IL21R: variants seen among roughly 807,000 people sequenced by gnomAD.
IL21R encodes the protein interleukin 21 receptor, also known as interleukin-21 receptor.
In IL21R, 14 loss-of-function variants were observed where a neutral mutation model predicts 41.3. That is an observed-to-expected ratio of 0.34 (90% CI 0.22 to 0.53). IL21R has a LOEUF of 0.53. IL21R is among the 20% of genes least tolerant of loss of function. IL21R has a pLI of 0.94. For synonymous variants in IL21R, 286 were observed against 287.6 expected (o/e 0.99, Z 0.05); for missense variants, 588 against 681.6 (o/e 0.86, Z 1.53).
At chr16:27,447,569 T>C (rs1338651696) in intron 8 of IL21R, 1 of 152,158 alleles carries the variant, frequency 6.6e-6, no homozygotes, top group Non-Finnish European at 1.5e-5. Context: ...CCTTCAAGTT[T>C]AAGGGCCACC....
chr16:27,423,869 G>A (rs1003687998), intron 1 of IL21R, among the ~76,000 whole-genome samples: 20 of 152,302 alleles, frequency 1.3e-4, no homozygotes, highest in Admixed American at 3.3e-4. Flanking sequence ...CTGGGTTTTA[G>A]GTAGGGCATG....
At position 27,450,610 on chromosome 16, in the gene IL21R, GTC is replaced by G. The variant is rs2087577993; in HGVS notation, c.*1330_*1331del. 4.7e-6 allele frequency: 1 copy of G among 213,770 alleles called. No individual in the cohort carries two copies. The highest frequency in any genetic ancestry group is 2.3e-5 in the African/African-American group (1 of 43,352). 13.2% of individuals were successfully genotyped at this position (213,770 alleles called of 1,614,324 possible). ...TTTTTTTTTTTTCTTTTGAGACAGA[GTC>G]TCACTCTCGTCGCCCAGGCTGGAAT... On this transcript the variant is annotated 3_prime_UTR_variant, in exon 9 of 9. Coordinates refer to ENST00000337929, the MANE Select transcript of IL21R (RefSeq NM_181078.3).
intron 1 of IL21R, among the ~76,000 whole-genome samples, chr16:27,409,583 T>A (rs1030763001): frequency 9.5e-5 from 14 of 147,058 alleles, no homozygotes; most frequent in Non-Finnish European, 1.6e-4. Flanking sequence ...TTTTTCCATA[T>A]GAATATTCAA....
intron 2 of IL21R, among the ~76,000 whole-genome samples, chr16:27,434,040 G>C (rs1171069746): frequency 6.6e-6 from 1 of 152,196 alleles, no homozygotes; most frequent in Non-Finnish European, 1.5e-5. Context: ...CACAGACCTG[G>C]TGGCCGGGCG....
chr16:27,439,235 G>A (rs2087329375), intron 4 of IL21R, among the ~76,000 whole-genome samples: 1 of 151,726 alleles, frequency 6.6e-6, no homozygotes, highest in South Asian at 2.1e-4. Flanking sequence ...CGCACACACA[G>A]ACTCATAGAT....
intron 1 of IL21R, among the ~76,000 whole-genome samples, chr16:27,420,481 T>C (rs985902984): frequency 2.0e-5 from 3 of 152,160 alleles, no homozygotes; most frequent in African/African-American, 7.2e-5. Context: ...ACACTTGTGA[T>C]TGATTATTAT....
intron 1 of IL21R, among the ~76,000 whole-genome samples, chr16:27,418,004 CTATTTTATTTATTT>C (rs1313859714): frequency 2.2e-5 from 3 of 134,656 alleles, no homozygotes; most frequent in African/African-American, 5.5e-5. Flanking sequence ...AACATTTTTC[CTATTTTATTTATTT>C]TATTTTATTT....
intron 1 of IL21R, among the ~76,000 whole-genome samples, chr16:27,421,651 T>C (rs200804107): frequency 6.6e-6 from 1 of 152,168 alleles, no homozygotes; most frequent in African/African-American, 2.4e-5. Flanking sequence ...CATCTTCAGA[T>C]TATTTATTGC....
chr16:27,428,346 G>T (rs1368634686), intron 1 of IL21R, among the ~76,000 whole-genome samples: 2 of 152,240 alleles, frequency 1.3e-5, no homozygotes, highest in Non-Finnish European at 2.9e-5. Flanking sequence ...CTCTGTGAGG[G>T]AGGTCAGAGG....
chr16:27,436,933 G>C (rs549255344), intron 3 of IL21R, among the ~76,000 whole-genome samples: 16 of 152,222 alleles, frequency 1.1e-4, no homozygotes, highest in Non-Finnish European at 1.9e-4. Flanking sequence ...AGTTAGCTGG[G>C]CATGGTGGTG....
chr16:27,446,225 C>A, intron 8 of IL21R, 137 bp downstream of exon 8: 1 of 592,496 alleles, frequency 1.7e-6, no homozygotes, highest in Non-Finnish European at 2.9e-6. Flanking sequence ...ACAAGCCAGG[C>A]CTCAGTTTCC....
At chr16:27,407,464 G>A (rs556976103) in intron 1 of IL21R, among the ~76,000 whole-genome samples, 2 of 152,292 alleles carry the variant, frequency 1.3e-5, no homozygotes, top group East Asian at 1.9e-4. Flanking sequence ...TGGGGGAAAA[G>A]CATTCTAGGC....
At chr16:27,422,976 T>C (rs1046909382) in intron 1 of IL21R, among the ~76,000 whole-genome samples, 2 of 152,222 alleles carry the variant, frequency 1.3e-5, no homozygotes, top group Non-Finnish European at 2.9e-5. Context: ...AATAGTATTT[T>C]CTAAATAGCT....
chr16:27,446,211 A>T, intron 8 of IL21R, 123 bp downstream of exon 8: 1 of 650,128 alleles, frequency 1.5e-6, no homozygotes, highest in Non-Finnish European at 2.6e-6. Flanking sequence ...GTCTCAGCCA[A>T]GCCACAAGCC....
intron 1 of IL21R, among the ~76,000 whole-genome samples, chr16:27,407,163 G>C (rs1260488354): frequency 6.6e-6 from 1 of 152,158 alleles, no homozygotes; most frequent in Non-Finnish European, 1.5e-5. Context: ...TTCTTCTTCA[G>C]CTACTTATGG....
At chr16:27,404,902 C>G (rs1443296165) in intron 1 of IL21R, among the ~76,000 whole-genome samples, 2 of 152,148 alleles carry the variant, frequency 1.3e-5, no homozygotes, top group Non-Finnish European at 2.9e-5. Context: ...GGAACATCTA[C>G]CATGGCCCAG....
At position 27,432,478 on chromosome 16, in the gene IL21R, G is replaced by T. The variant is rs1008895724; in HGVS notation, c.50-1869G>T. Among the ~76,000 whole-genome samples the T allele has an allele frequency of 4.6e-5, 7 of 152,090 alleles. 1 individual carries two copies. Among genetic ancestry groups the T allele is most frequent in the African/African-American group, 1.7e-4 (7 of 41,414 alleles). ...GCATTTTCCCACCCTCTCATCCCTG[G>T]TGCCACCTCCCTGCCACTCAGGGGC... On this transcript the variant is annotated intron_variant, in intron 2 of 8. Transcript: ENST00000337929.
At chr16:27,440,329 A>C (rs1190687910) in intron 4 of IL21R, among the ~76,000 whole-genome samples, 2 of 149,578 alleles carry the variant, frequency 1.3e-5, no homozygotes, top group Non-Finnish European at 3.0e-5. Context: ...CCTGGGGTGC[A>C]GTGGCACAAC....
In IL21R at chr16:27,444,730, A is replaced by C; in HGVS notation, c.685+11A>C. 6.8e-7 allele frequency: 1 copy of C among 1,478,530 alleles called. No homozygotes were observed. The highest frequency in any genetic ancestry group is 9.0e-7 in the Non-Finnish European group (1 of 1,113,142). The allele number at this position is 1,478,530 out of a possible 1,614,324, so 91.6% of individuals were successfully genotyped here. On this transcript the variant is annotated intron_variant, in intron 6 of 8. Coordinates refer to ENST00000337929, the MANE Select transcript of IL21R (RefSeq NM_181078.3). The stretch of plus-strand genomic sequence containing the variant: ...AGACCCAGTCAGAGGGTAGGTGTGA[A>C]GCTGGGATGGACACCCCACTCCTGG...
Sources: allele counts gnomAD v4.1 joint callset (sites outside exome capture counted in the v4.1 genomes callset), GRCh38; gene constraint gnomAD v4.1.1; transcripts MANE v1.5; gene names NCBI Gene and HGNC (gene_info 2026-07-23, HGNC 2026-07-21).